Variants in SPATA17 observed in about 807,000 individuals in gnomAD.
The protein encoded by SPATA17 is spermatogenesis associated 17.
A neutral mutation model predicts 62.2 loss-of-function variants in SPATA17; 53 were observed. The ratio of observed to expected loss-of-function variants is 0.85; its 90% confidence interval spans 0.68 to 1.07. The LOEUF (loss-of-function observed/expected upper bound fraction) is 1.07, where lower values mean the gene tolerates loss of function less well. Ranked by LOEUF, SPATA17 falls within the 50% of genes least tolerant of loss-of-function variation. The pLI is 0.00. For missense variants in SPATA17, 466 were observed against 425.5 expected (o/e 1.10, Z -0.84); for synonymous variants, 146 against 146.8 (o/e 0.99, Z 0.04).
intron 8 of SPATA17, among the ~76,000 whole-genome samples, chr1:217,789,542 A>C (rs1214716395): frequency 6.6e-6 from 1 of 152,218 alleles, no homozygotes; most frequent in African/African-American, 2.4e-5. Context: ...AGTGGCCTGC[A>C]GGTAAGAGTT....
chr1:217,647,252 A>T (rs554218490), intron 1 of SPATA17, among the ~76,000 whole-genome samples: 1 of 152,336 alleles, frequency 6.6e-6, no homozygotes, highest in Non-Finnish European at 1.5e-5. Flanking sequence ...TACTAAGAAG[A>T]TAGAGGCACT....
At chr1:217,659,056 G>C (rs989686295) in intron 3 of SPATA17, among the ~76,000 whole-genome samples, 3 of 152,094 alleles carry the variant, frequency 2.0e-5, no homozygotes, top group Non-Finnish European at 2.9e-5. Context: ...GTAGTTGAGG[G>C]ACAGGCATGG....
At chr1:217,780,578 G>T (rs772943286) in intron 7 of SPATA17, among the ~76,000 whole-genome samples, 4 of 152,022 alleles carry the variant, frequency 2.6e-5, no homozygotes, top group African/African-American at 4.8e-5. Context: ...AGGTTAGAAG[G>T]CATAACATGG....
chr1:217,822,697 AT>A lies in SPATA17; in HGVS notation c.1005+20852del, dbSNP rs899930091. Reference sequence around the variant, plus strand: ...TTCATTTCTTTGTCTCTTTTTGCTGATTTTTATATACTTTTATTAGAACTAT... The same window carrying A: ...TTCATTTCTTTGTCTCTTTTTGCTGATTTTATATACTTTTATTAGAACTAT... On this transcript the variant is annotated intron_variant, in intron 9 of 10. Coordinates refer to ENST00000366933, the MANE Select transcript of SPATA17 (RefSeq NM_138796.4). 1.2e-3 allele frequency among the ~76,000 whole-genome samples: 174 copies of A among 148,912 alleles called. 1 individual carries two copies. The highest frequency in any genetic ancestry group is 4.2e-3 in the African/African-American group (172 of 40,984).
At chr1:217,751,398 T>G (rs1381217359) in intron 6 of SPATA17, among the ~76,000 whole-genome samples, 1 of 152,186 alleles carries the variant, frequency 6.6e-6, no homozygotes, top group African/African-American at 2.4e-5. Context: ...GATCTTTGGA[T>G]CCATAGTTTA....
chr1:217,777,412 CT>C (rs1051462311), intron 7 of SPATA17, among the ~76,000 whole-genome samples: 1 of 151,940 alleles, frequency 6.6e-6, no homozygotes, highest in Admixed American at 6.6e-5. Context: ...TATCCGTATT[CT>C]TTTTTTGAGA....
At position 217,801,763 on chromosome 1, in the gene SPATA17, A is replaced by G. The variant is rs753622455; in HGVS notation, c.918A>G (p.Pro306=). Residue 306 remains proline, a synonymous_variant, in exon 9 of 11, where the codon CCA becomes CCG. Coordinates refer to ENST00000366933, the MANE Select transcript of SPATA17 (RefSeq NM_138796.4). The stretch of plus-strand genomic sequence containing the variant: ...ACCATAAAAATGAAAAGTACATCCC[A>G]TCAATGCATTTATCAAGCAAGTATG... ...SSYHKNEKYI[P]SMHLSSKYGP... 6.2e-6 allele frequency: 10 copies of G among 1,610,566 alleles called. No individual in the cohort carries two copies. In the East Asian group the frequency reaches 2.2e-4, roughly 36 times the overall value.
intron 7 of SPATA17, among the ~76,000 whole-genome samples, chr1:217,775,366 C>G (rs1336321378): frequency 6.6e-6 from 1 of 152,022 alleles, no homozygotes; most frequent in African/African-American, 2.4e-5. Context: ...ATATTTTCTC[C>G]CATTCTATGG....
intron 5 of SPATA17, among the ~76,000 whole-genome samples, chr1:217,713,488 A>G (rs1671927832): frequency 6.6e-6 from 1 of 152,176 alleles, no homozygotes; most frequent in Non-Finnish European, 1.5e-5. Context: ...TCTTTCTTTA[A>G]GAAGTATTGA....
intron 1 of SPATA17, among the ~76,000 whole-genome samples, chr1:217,633,904 A>G (rs776158060): frequency 6.6e-6 from 1 of 152,200 alleles, no homozygotes; most frequent in African/African-American, 2.4e-5. Context: ...CTGGAAGTCC[A>G]ATGTGGAAAC....
At chr1:217,764,024 C>T (rs907299563) in intron 6 of SPATA17, among the ~76,000 whole-genome samples, 6 of 152,162 alleles carry the variant, frequency 3.9e-5, no homozygotes, top group African/African-American at 1.2e-4. Flanking sequence ...TGTCAACATC[C>T]TGCATCATCC....
rs190268279 is a variant in SPATA17, at chr1:217,786,392, A to T, written c.872+4070A>T. ...AAGATGATTGAGATTTTGATAGAGG[A>T]AAGAAGAAAATAGATAAAAGTAGGC... On this transcript the variant is annotated intron_variant, in intron 8 of 10. Coordinates refer to ENST00000366933, the MANE Select transcript of SPATA17 (RefSeq NM_138796.4). Among the ~76,000 whole-genome samples the T allele has an allele frequency of 5.3e-4, 81 of 152,298 alleles. 1 individual carries two copies. The highest frequency in any genetic ancestry group is 1.9e-3 in the African/African-American group (81 of 41,584).
chr1:217,790,445 TTTA>T (rs1450835048), intron 8 of SPATA17, among the ~76,000 whole-genome samples: 4 of 152,192 alleles, frequency 2.6e-5, no homozygotes, highest in Admixed American at 2.6e-4. Context: ...ATTACTCACT[TTTA>T]TTTTTTTTTT....
At chr1:217,633,227 A>T (rs756186718) in intron 1 of SPATA17, among the ~76,000 whole-genome samples, 50 of 151,432 alleles carry the variant, frequency 3.3e-4, no homozygotes, top group Non-Finnish European at 6.9e-4. Flanking sequence ...TAAATAAATA[A>T]ATAAATAATA....
intron 9 of SPATA17, among the ~76,000 whole-genome samples, chr1:217,822,533 G>GA (rs964062150): frequency 2.0e-5 from 3 of 150,272 alleles, no homozygotes; most frequent in African/African-American, 7.3e-5. Flanking sequence ...CACCAAACTG[G>GA]AAAAATCTTA....
At chr1:217,701,642 C>T (rs1006213741) in intron 5 of SPATA17, among the ~76,000 whole-genome samples, 1 of 152,142 alleles carries the variant, frequency 6.6e-6, no homozygotes. Flanking sequence ...CTGCCTCGGC[C>T]TCCCAAAGTG....
rs576900138 is a variant in SPATA17, at chr1:217,793,574, T to C, written c.873-8144T>C. Among the ~76,000 whole-genome samples, 7 of 152,258 alleles carry C rather than the reference T, an allele frequency of 4.6e-5. No individual in the cohort carries two copies. In the South Asian group the frequency reaches 1.2e-3, roughly 27 times the overall value. On this transcript the variant is annotated intron_variant, in intron 8 of 10. Coordinates refer to ENST00000366933, the MANE Select transcript of SPATA17 (RefSeq NM_138796.4). ...CATCACCTTGAGGTTTAAAAATATA[T>C]GCATATGAATTCCCAAGTCTCAATC...
intron 9 of SPATA17, among the ~76,000 whole-genome samples, chr1:217,843,741 C>T (rs763925600): frequency 1.3e-5 from 2 of 152,122 alleles, no homozygotes; most frequent in South Asian, 4.1e-4. Context: ...GTGGGCATGA[C>T]TACGTTCCAA....
In SPATA17 at chr1:217,725,443, A is replaced by G. The variant is rs149826085; in HGVS notation, c.396-16532A>G. On this transcript the variant is annotated intron_variant, in intron 5 of 10. Transcript: ENST00000366933. Reference sequence around the variant, plus strand: ...CATTTTGACATGTTTCAAAAATACCAAATTGTGTTTTTATTTTAATTAATT... The same window carrying G: ...CATTTTGACATGTTTCAAAAATACCGAATTGTGTTTTTATTTTAATTAATT... 1.9e-3 allele frequency among the ~76,000 whole-genome samples: 285 copies of G among 152,244 alleles called. 1 individual carries two copies. Among genetic ancestry groups the G allele is most frequent in the African/African-American group, 6.3e-3 (261 of 41,564 alleles).
Sources: gnomAD v4.1 joint callset for allele counts (sites outside exome capture counted in the v4.1 genomes callset) on GRCh38, gnomAD v4.1.1 for gene constraint, MANE v1.5 for transcripts, NCBI Gene and HGNC (gene_info 2026-07-23, HGNC 2026-07-21) for gene names.